PCDHA4: variants seen among roughly 807,000 people sequenced by gnomAD.
The protein encoded by PCDHA4 is protocadherin alpha-4.
Under a neutral mutation model 61.4 loss-of-function variants are expected in PCDHA4, and 49 were observed. The observed-to-expected ratio is 0.80, with a 90% CI of 0.63 to 1.01. The LOEUF (loss-of-function observed/expected upper bound fraction) is 1.01. Among genes scored for constraint, PCDHA4 ranks in the 50% least tolerant of loss-of-function variants. The probability of loss-of-function intolerance (pLI) is 0.00; values close to 1 mark genes in which losing one functional copy is unlikely to be tolerated. For synonymous variants in PCDHA4, 590 were observed against 550.3 expected (o/e 1.07, Z -1.01); for missense variants, 1,254 against 1,235.8 (o/e 1.01, Z -0.22).
intron 1 of PCDHA4, chr5:140,884,758 C>A (rs1582804628): frequency 2.1e-6 from 3 of 1,424,736 alleles, no homozygotes; most frequent in East Asian, 2.5e-5. Context: ...TCAAATTATT[C>A]TTTACTTTAA....
intron 1 of PCDHA4, chr5:140,821,650 T>G: frequency 9.2e-7 from 1 of 1,090,350 alleles, no homozygotes; most frequent in Non-Finnish European, 1.3e-6. Context: ...AACCTTCCAT[T>G]TTTGGCTGTG....
chr5:140,883,621 C>G (rs368758287), intron 1 of PCDHA4: 2 of 1,613,850 alleles, frequency 1.2e-6, no homozygotes, highest in African/African-American at 2.7e-5. Flanking sequence ...TGAACGACAA[C>G]GCGCCGGCGT....
intron 1 of PCDHA4, chr5:140,822,260 G>A: frequency 6.2e-7 from 1 of 1,614,220 alleles, no homozygotes; most frequent in Non-Finnish European, 8.5e-7. Context: ...TTGGATATTG[G>A]AGCAAATGCA....
chr5:140,840,876 C>T (rs975693144), intron 1 of PCDHA4, among the ~76,000 whole-genome samples: 2 of 151,942 alleles, frequency 1.3e-5, no homozygotes, highest in Admixed American at 1.3e-4. Context: ...GGACAGTTTA[C>T]ATTTCTGATA....
chr5:140,963,509 G>A, intron 1 of PCDHA4, among the ~76,000 whole-genome samples: 1 of 152,164 alleles, frequency 6.6e-6, no homozygotes, highest in Non-Finnish European at 1.5e-5. Flanking sequence ...CTCTTGAAGG[G>A]GTTCTCATAA....
In PCDHA4 at chr5:140,809,182, G is replaced by T. The variant is rs1369290140; in HGVS notation, c.1995G>T (p.Val665=). ...CCGCGCTGACGGCCACGGCCACTGT[G>T]CTGGTGTCACTTGTGGAGAGTGGAC... ...GEPALTATAT[V]LVSLVESGQA... is the part of the protein sequence containing the mutation. Residue 665 remains valine (V), a synonymous_variant, in exon 1 of 4, where the codon GTG becomes GTT. Coordinates refer to ENST00000530339, the MANE Select transcript of PCDHA4 (RefSeq NM_018907.4). The T allele has an allele frequency of 6.2e-7, 1 of 1,614,050 alleles. No individual in the cohort carries two copies. The highest frequency in any genetic ancestry group is 8.5e-7 in the Non-Finnish European group (1 of 1,179,944).
chr5:140,816,012 A>C (rs2126668745), intron 1 of PCDHA4: 1 of 152,226 alleles, frequency 6.6e-6, no homozygotes, highest in East Asian at 1.9e-4. Flanking sequence ...CTAAATTCTT[A>C]ACATTTCTTG....
At chr5:140,877,585 T>A (rs2057227188) in intron 1 of PCDHA4, 1 of 1,613,836 alleles carries the variant, frequency 6.2e-7, no homozygotes, top group Non-Finnish European at 8.5e-7. Flanking sequence ...CATCGCCATC[T>A]GTGCGGTGTC....
At chr5:140,884,318 G>A (rs1345534362) in intron 1 of PCDHA4, 1 of 1,613,692 alleles carries the variant, frequency 6.2e-7, no homozygotes, top group Non-Finnish European at 8.5e-7. Flanking sequence ...GAGGGCGTCG[G>A]CAGGCGCTGT....
At chr5:140,826,394 A>G (rs1158338213) in intron 1 of PCDHA4, among the ~76,000 whole-genome samples, 1 of 152,202 alleles carries the variant, frequency 6.6e-6, no homozygotes, top group African/African-American at 2.4e-5. Flanking sequence ...GAACTACTAA[A>G]TAGATCCAGG....
intron 1 of PCDHA4, among the ~76,000 whole-genome samples, chr5:140,904,446 T>C (rs34807894): frequency 0.32 from 47,642 of 151,146 alleles, 7,868 homozygotes; most frequent in East Asian, 0.52. Context: ...TATTACAATT[T>C]CTTTATACAC....
At chr5:140,975,120 C>CT (rs140169299) in intron 1 of PCDHA4, among the ~76,000 whole-genome samples, 5 of 152,258 alleles carry the variant, frequency 3.3e-5, no homozygotes, top group African/African-American at 1.2e-4. Flanking sequence ...TGTTTTCCTA[C>CT]TTACTATTGG....
intron 1 of PCDHA4, chr5:140,967,835 G>T: frequency 6.2e-7 from 1 of 1,614,142 alleles, no homozygotes; most frequent in Non-Finnish European, 8.5e-7. Flanking sequence ...GGACATCGTG[G>T]ACGTGAATGA....
chr5:140,869,610 C>T (rs782688712), intron 1 of PCDHA4: 1 of 1,613,928 alleles, frequency 6.2e-7, no homozygotes, highest in South Asian at 1.1e-5. Flanking sequence ...CTCTATTGAC[C>T]TACAGGCTAA....
chr5:140,883,504 C>A, intron 1 of PCDHA4: 1 of 1,614,172 alleles, frequency 6.2e-7, no homozygotes, highest in Non-Finnish European at 8.5e-7. Context: ...TGGACAGCGC[C>A]CTGGACCGCG....
At chr5:140,857,467 C>T in intron 1 of PCDHA4, 3 of 1,598,642 alleles carry the variant, frequency 1.9e-6, no homozygotes, top group Non-Finnish European at 2.6e-6. Flanking sequence ...GCTGCCACAT[C>T]TTCACGGTGT....
intron 1 of PCDHA4, chr5:140,966,609 G>A: frequency 1.4e-6 from 1 of 702,876 alleles, no homozygotes; most frequent in Non-Finnish European, 2.1e-6. Flanking sequence ...CCTTGGGAGG[G>A]CCTACGGAGG....
At chr5:140,818,319 T>G (rs2150100782) in intron 1 of PCDHA4, among the ~76,000 whole-genome samples, 2 of 152,234 alleles carry the variant, frequency 1.3e-5, no homozygotes, top group Admixed American at 1.3e-4. Flanking sequence ...CTTTAGGAAT[T>G]TTATCTTGTT....
At chr5:140,825,517 C>A (rs1236506485) in intron 1 of PCDHA4, 1 of 151,028 alleles carries the variant, frequency 6.6e-6, no homozygotes, top group Non-Finnish European at 1.5e-5. Context: ...CTTGGCCTCC[C>A]AGGTTCAAGC....
Sources: gnomAD v4.1 joint callset for allele counts (sites outside exome capture counted in the v4.1 genomes callset) on GRCh38, gnomAD v4.1.1 for gene constraint, MANE v1.5 for transcripts, NCBI Gene and HGNC (gene_info 2026-07-23, HGNC 2026-07-21) for gene names.